The following DHX8 variants were observed in gnomAD, a reference collection of about 807,000 sequenced individuals.
DHX8 encodes the protein DEAH-box helicase 8.
Under a neutral mutation model 140.7 loss-of-function variants are expected in DHX8, and 67 were observed. The ratio of observed to expected loss-of-function variants is 0.48; its 90% CI spans 0.39 to 0.58. The LOEUF is 0.58. Ranked by LOEUF, DHX8 falls within the 20% of genes least tolerant of loss-of-function variation. DHX8 has a pLI of 0.00. For synonymous variants in DHX8, 533 were observed against 553.2 expected (o/e 0.96, Z 0.51); for missense variants, 887 against 1,550.7 (o/e 0.57, Z 7.19).
Position 43,499,984 on chromosome 17 carries a change from C to A in DHX8, c.1427C>A (p.Ala476Glu). 1 of 1,614,144 alleles carries A rather than the reference C, an allele frequency of 6.2e-7. No individual in the cohort carries two copies. The highest frequency in any genetic ancestry group is 8.5e-7 in the Non-Finnish European group (1 of 1,180,016). ...KNPDGSLSQAAMMQSALAKER... is the reference protein window; with the variant it reads ...KNPDGSLSQAEMMQSALAKER... ...CCAGACGGCTCCCTCTCCCAAGCAG[C>A]AATGATGCAGAGTGCCTTGGCCAAA... is the stretch of plus-strand genomic sequence containing the variant. The change falls in exon 11 of 23, where the codon GCA becomes GAA. Residue 476 changes from alanine to glutamate, a missense_variant. By Grantham distance (107) the Ala-to-Glu change is moderately radical. Coordinates refer to ENST00000262415, the MANE Select transcript of DHX8 (RefSeq NM_004941.3).
In DHX8 at chr17:43,484,156, A is replaced by G; in HGVS notation, c.119A>G (p.Asn40Ser). 1 of 1,614,136 alleles carries G rather than the reference A, an allele frequency of 6.2e-7. No individual in the cohort carries two copies. Among genetic ancestry groups the G allele is most frequent in the South Asian group, 1.1e-5 (1 of 91,072 alleles). ...TCAAAGGTTTGCACTGAGCTGGACA[A>G]TCACTTGGGGATCAACGACAAGGAC... is the stretch of plus-strand genomic sequence containing the variant. ...LVSKVCTELDNHLGINDKDLA... is the reference protein window; with the variant it reads ...LVSKVCTELDSHLGINDKDLA... The change falls in exon 1 of 23, where the codon AAT becomes AGT. Residue 40 changes from asparagine (N) to serine (S), a missense_variant. Physicochemically the swap from Asn to Ser is conservative, Grantham distance 46. Around this residue, in one of 9 missense-constraint regions of DHX8, gnomAD observed 8 missense variants for 26.2 expected, o/e 0.31. Coordinates refer to ENST00000262415, the MANE Select transcript of DHX8 (RefSeq NM_004941.3).
intron 3 of DHX8, among the ~76,000 whole-genome samples, chr17:43,543,656 T>C (rs1224045513): frequency 6.6e-6 from 1 of 152,036 alleles, no homozygotes; most frequent in Non-Finnish European, 1.5e-5. Flanking sequence ...AGAAGAAGGA[T>C]GGGGAGACGG....
intron 16 of DHX8, 24 bp downstream of exon 16, chr17:43,508,544 T>C (rs1397672367): frequency 6.5e-6 from 10 of 1,548,856 alleles, no homozygotes; most frequent in Non-Finnish European, 8.9e-6. Context: ...AAATGAAGCT[T>C]CCATGTGCCC....
chr17:43,532,226 G>A (rs1970978595), intron 2 of DHX8, among the ~76,000 whole-genome samples: 1 of 152,200 alleles, frequency 6.6e-6, no homozygotes, highest in East Asian at 1.9e-4. Context: ...TTGTCCGGGT[G>A]AGGTGGCTCA....
At chr17:43,531,077 A>G (rs930283722), downstream of DHX8, among the ~76,000 whole-genome samples, 3 of 152,192 alleles carry the variant, frequency 2.0e-5, no homozygotes, top group Non-Finnish European at 2.9e-5. Context: ...AGCCTGGCTC[A>G]GGCTTATGCC....
At chr17:43,527,046 C>T (rs1970639489), downstream of DHX8, among the ~76,000 whole-genome samples, 2 of 152,208 alleles carry the variant, frequency 1.3e-5, no homozygotes, top group South Asian at 2.1e-4. Flanking sequence ...TCCTGGGCAG[C>T]GGTTTACATA....
At chr17:43,520,476 G>A (rs960924279) in intron 19 of DHX8, among the ~76,000 whole-genome samples, 1 of 152,214 alleles carries the variant, frequency 6.6e-6, no homozygotes, top group Non-Finnish European at 1.5e-5. Flanking sequence ...TTTGCCTGAG[G>A]ATGTATTACT....
At chr17:43,520,013 G>A (rs758825093) in intron 18 of DHX8, 117 bp from the exon 19 acceptor site, 91 of 1,148,864 alleles carry the variant, frequency 7.9e-5, no homozygotes, top group Admixed American at 2.0e-4. Context: ...CAGTCTCACC[G>A]GTGGCTTCCT....
At chr17:43,513,148 C>G (rs1277728395) in intron 16 of DHX8, among the ~76,000 whole-genome samples, 1 of 152,142 alleles carries the variant, frequency 6.6e-6, no homozygotes, top group Non-Finnish European at 1.5e-5. Flanking sequence ...CCACTCACCT[C>G]TCAGGTACCA....
intron 11 of DHX8, among the ~76,000 whole-genome samples, chr17:43,504,246 C>A (rs908439010): frequency 2.0e-5 from 3 of 151,812 alleles, no homozygotes; most frequent in Admixed American, 6.6e-5. Context: ...TCGAGACCAG[C>A]CTGGCAACAT....
rs563576948 is a variant in DHX8, at chr17:43,509,479, C to T, written c.2502+959C>T. On this transcript the variant is annotated intron_variant, in intron 16 of 22. Coordinates refer to ENST00000262415, the MANE Select transcript of DHX8 (RefSeq NM_004941.3). ...CTTTCAATTAACTCCCTCCACCTCC[C>T]ACTTATTTTTTTTTTTTTTTTTGAG... Among the ~76,000 whole-genome samples, 4 of 151,686 alleles carry T rather than the reference C, an allele frequency of 2.6e-5. No individual in the cohort carries two copies. The South Asian group carries it at 8.3e-4, about 32-fold the overall frequency.
intron 22 of DHX8, among the ~76,000 whole-genome samples, chr17:43,522,746 T>TA (rs1970437148): frequency 1.6e-5 from 1 of 60,696 alleles, no homozygotes; most frequent in Non-Finnish European, 2.8e-5. Flanking sequence ...AAACTCCATC[T>TA]CAAAAAAAAA....
downstream of DHX8, chr17:43,526,387 G>A (rs1202364067): frequency 1.1e-5 from 17 of 1,506,218 alleles, no homozygotes; most frequent in Non-Finnish European, 1.4e-5. Context: ...TATATGGCAG[G>A]ACCGTCCCTA....
chr17:43,542,003 A>G (rs969616321), intron 3 of DHX8, among the ~76,000 whole-genome samples: 2 of 152,166 alleles, frequency 1.3e-5, no homozygotes, highest in African/African-American at 4.8e-5. Flanking sequence ...TCACTCTTGC[A>G]GCAGCAAGAC....
At chr17:43,499,374 A>G (rs1271898690) in intron 10 of DHX8, among the ~76,000 whole-genome samples, 1 of 152,214 alleles carries the variant, frequency 6.6e-6, no homozygotes, top group Non-Finnish European at 1.5e-5. Context: ...CAGAATTCAT[A>G]GAACAATAAA....
intron 11 of DHX8, among the ~76,000 whole-genome samples, chr17:43,500,322 T>TA (rs887742306): frequency 6.6e-6 from 1 of 151,662 alleles, no homozygotes; most frequent in Admixed American, 6.6e-5. Flanking sequence ...AAGTCTCTAC[T>TA]AAAAAAATAC....
intron 6 of DHX8, 90 bp from the exon 7 acceptor site, chr17:43,493,355 A>G: frequency 1.3e-6 from 2 of 1,527,960 alleles, no homozygotes; most frequent in African/African-American, 1.4e-5. Flanking sequence ...GTTTAAGACC[A>G]TTTTCTTTTG....
At chr17:43,507,240 G>A in intron 13 of DHX8, 43 bp downstream of exon 13, 2 of 1,551,026 alleles carry the variant, frequency 1.3e-6, no homozygotes, top group South Asian at 1.2e-5. Flanking sequence ...CAGAAGCAAA[G>A]GCCCAGGTCT....
intron 18 of DHX8, chr17:43,518,126 T>C (rs1970202650): frequency 6.6e-6 from 1 of 152,294 alleles, no homozygotes; most frequent in South Asian, 2.1e-4. Flanking sequence ...GTTAATAGTA[T>C]TTGTTGGAAA....
Sources: gnomAD v4.1 joint callset for allele counts (sites outside exome capture counted in the v4.1 genomes callset) on GRCh38, gnomAD v4.1.1 for gene constraint, gnomAD v4.1.1 regional missense constraint, MANE v1.5 for transcripts, NCBI Gene and HGNC (gene_info 2026-07-23, HGNC 2026-07-21) for gene names.